The following VPS53 variants were observed in gnomAD, a reference collection of about 807,000 sequenced individuals.
VPS53 encodes the protein VPS53 subunit of GARP complex, also known as vacuolar protein sorting-associated protein 53 homolog.
In VPS53, 70 loss-of-function variants were observed where a neutral mutation model predicts 107.0. The observed-to-expected ratio is 0.65, with a 90% CI of 0.54 to 0.80. The LOEUF is 0.80. VPS53 is among the 30% of genes least tolerant of loss of function. The probability of loss-of-function intolerance (pLI) is 0.00; values close to 1 mark genes in which losing one functional copy is unlikely to be tolerated. For missense variants in VPS53, 917 were observed against 1,049.4 expected (o/e 0.87, Z 1.74); for synonymous variants, 409 against 393.3 (o/e 1.04, Z -0.47).
At chr17:553,492 G>A (rs755152078) in intron 15 of VPS53, 30 bp from the exon 16 acceptor site, 62 of 1,510,142 alleles carry the variant, frequency 4.1e-5, no homozygotes, top group Middle Eastern at 1.7e-4. Context: ...ATGGATGCAC[G>A]GTTAATGATT....
rs1026603134 is a variant in VPS53, at chr17:512,257, C to T, written c.*6871G>A. Reference sequence around the variant, plus strand: ...TGATCACGAACACACTTCACACTGCCTTATGGCAGAGCAAGTGCATATAGC... The same window carrying T: ...TGATCACGAACACACTTCACACTGCTTTATGGCAGAGCAAGTGCATATAGC... On this transcript the variant is annotated 3_prime_UTR_variant, in exon 22 of 22. Coordinates refer to ENST00000437048, the MANE Select transcript of VPS53 (RefSeq NM_001128159.3). The T allele has an allele frequency of 1.3e-5, 2 of 152,250 alleles. No individual in the cohort carries two copies. The highest frequency in any genetic ancestry group is 2.9e-5 in the Non-Finnish European group (2 of 68,052). 9.4% of individuals were successfully genotyped at this position (152,250 alleles called of 1,614,324 possible). A position where few individuals can be genotyped will look rare whatever the true frequency, so the allele number is the denominator to read the frequency against.
intron 19 of VPS53, among the ~76,000 whole-genome samples, chr17:526,669 C>A (rs1330664382): frequency 1.3e-5 from 2 of 152,204 alleles, no homozygotes; most frequent in East Asian, 1.9e-4. Context: ...TCATTTCTGC[C>A]TCAGCGATAA....
chr17:601,981 C>A, intron 11 of VPS53, 85 bp from the exon 12 acceptor site: 1 of 1,037,998 alleles, frequency 9.6e-7, no homozygotes, highest in Non-Finnish European at 1.4e-6. Context: ...TAGGTGTCTC[C>A]AACAAGGAAG....
At chr17:616,876 G>A (rs1367389061) in intron 11 of VPS53, among the ~76,000 whole-genome samples, 1 of 152,180 alleles carries the variant, frequency 6.6e-6, no homozygotes, top group Non-Finnish European at 1.5e-5. Flanking sequence ...TCCTTGGAGA[G>A]GTCCTGGGAC....
intron 13 of VPS53, among the ~76,000 whole-genome samples, chr17:585,504 G>C (rs1340010744): frequency 1.3e-5 from 2 of 151,980 alleles, no homozygotes; most frequent in Non-Finnish European, 2.9e-5. Flanking sequence ...TAAAAATAGA[G>C]GGTGGCATGT....
chr17:549,996 C>A (rs945738532), intron 17 of VPS53, among the ~76,000 whole-genome samples: 5 of 152,154 alleles, frequency 3.3e-5, no homozygotes, highest in African/African-American at 1.2e-4. Flanking sequence ...AAATTCAGAC[C>A]AAATGTCTGC....
intron 6 of VPS53, among the ~76,000 whole-genome samples, chr17:654,056 G>A (rs144813245): frequency 4.6e-5 from 7 of 152,220 alleles, no homozygotes; most frequent in African/African-American, 1.7e-4. Context: ...TTAGCTGGGC[G>A]TGGTGGTGGA....
intron 4 of VPS53, among the ~76,000 whole-genome samples, chr17:684,177 C>A (rs1046568844): frequency 6.6e-6 from 1 of 152,210 alleles, no homozygotes; most frequent in Non-Finnish European, 1.5e-5. Context: ...CCAACTATAT[C>A]ATGGGAACAA....
rs376609175 is a variant in VPS53 at position 610,024 on chromosome 17, C to T, written c.1117-8128G>A. On this transcript the variant is annotated intron_variant, in intron 11 of 21. Coordinates refer to ENST00000437048, the MANE Select transcript of VPS53 (RefSeq NM_001128159.3). ...GCGGGCGCCTGTAGTCCCAGCTACG[C>T]GGAGGCTGAGGCAGGAGAATGGCGT... is the stretch of plus-strand genomic sequence containing the variant. Among the ~76,000 whole-genome samples the T allele has an allele frequency of 6.3e-3, 958 of 151,654 alleles. 10 individuals carry two copies. The highest frequency in any genetic ancestry group is 0.022 in the African/African-American group (913 of 41,346).
intron 18 of VPS53, chr17:533,129 T>C: frequency 1.5e-6 from 1 of 669,782 alleles, no homozygotes; most frequent in East Asian, 2.9e-5. Flanking sequence ...CCGGATCCCA[T>C]CCTAGACTCC....
chr17:547,405 G>A (rs1911309743), intron 17 of VPS53, among the ~76,000 whole-genome samples: 1 of 152,184 alleles, frequency 6.6e-6, no homozygotes, highest in African/African-American at 2.4e-5. Context: ...ACTACGCTAA[G>A]TGAAGAAAGC....
In VPS53 at chr17:524,655, C is replaced by A. The variant is rs1044394954; in HGVS notation, c.2086-2917G>T. On this transcript the variant is annotated intron_variant, in intron 19 of 21. Transcript: ENST00000437048. This position sits in a 1 kb window ranked among gnomAD's most constrained non-coding sequence, Gnocchi z 4.5. ...CAACCTGGTTAGTAACTGGGAAATG[C>A]AAATTAAAACCACAGATGTACACCA... 1.3e-4 allele frequency among the ~76,000 whole-genome samples: 20 copies of A among 152,184 alleles called. No homozygotes were observed. Among genetic ancestry groups the A allele is most frequent in the African/African-American group, 4.8e-4 (20 of 41,436 alleles).
At chr17:569,916 A>C (rs1244568030) in intron 13 of VPS53, among the ~76,000 whole-genome samples, 3 of 151,740 alleles carry the variant, frequency 2.0e-5, no homozygotes, top group Admixed American at 6.6e-5. Flanking sequence ...AAAAAAAAAA[A>C]AGAAGAAAAA....
rs184699577 is a variant in VPS53, at chr17:669,761, G to A, written c.286-7866C>T. On this transcript the variant is annotated intron_variant, in intron 4 of 21. Coordinates refer to ENST00000437048, the MANE Select transcript of VPS53 (RefSeq NM_001128159.3). ...ACAAAAATTAGCTGGGTGTGGTGGC[G>A]CATGCCTGTAATCCCAGCTACTCGG... is the stretch of plus-strand genomic sequence containing the variant. Among the ~76,000 whole-genome samples the A allele has an allele frequency of 2.7e-3, 400 of 146,968 alleles. 3 individuals carry two copies. Among genetic ancestry groups the A allele is most frequent in the African/African-American group, 9.6e-3 (383 of 39,796 alleles).
At chr17:699,414 G>C in intron 2 of VPS53, 34 bp from the exon 3 acceptor site, 1 of 1,511,922 alleles carries the variant, frequency 6.6e-7, no homozygotes, top group Non-Finnish European at 8.8e-7. Flanking sequence ...CCAGCTGTTA[G>C]TCCACTTCCT....
rs1198248499 is a variant in VPS53, at chr17:609,753, C to T, written c.1117-7857G>A. Among the ~76,000 whole-genome samples, 4 of 152,160 alleles carry T rather than the reference C, an allele frequency of 2.6e-5. No individual in the cohort carries two copies. The East Asian group carries it at 7.7e-4, about 29-fold the overall frequency. On this transcript the variant is annotated intron_variant, in intron 11 of 21. Transcript: ENST00000437048. The stretch of plus-strand genomic sequence containing the variant: ...TCCACTAGTGTCGTAAGAAAATCAT[C>T]TCACTGCTTTGGGTAAGAGACAGCG...
chr17:616,640 C>G (rs1969147827), intron 11 of VPS53: 1 of 152,368 alleles, frequency 6.6e-6, no homozygotes, highest in Non-Finnish European at 1.5e-5. Context: ...ACCAGTACCC[C>G]CAGCCCAGTC....
intron 13 of VPS53, among the ~76,000 whole-genome samples, chr17:574,099 T>C (rs538058032): frequency 2.6e-5 from 4 of 152,322 alleles, no homozygotes; most frequent in South Asian, 4.1e-4. Flanking sequence ...TGTCTGACTA[T>C]CTCTCTTGAC....
At chr17:652,088 C>G (rs1246150153) in intron 7 of VPS53, among the ~76,000 whole-genome samples, 2 of 151,950 alleles carry the variant, frequency 1.3e-5, no homozygotes, top group Non-Finnish European at 2.9e-5. Flanking sequence ...CCTCCACTTC[C>G]CAGGTTCAAG....
Sources: gnomAD v4.1 joint callset for allele counts (sites outside exome capture counted in the v4.1 genomes callset) on GRCh38, gnomAD v4.1.1 for gene constraint, Gnocchi (gnomAD v3.1) non-coding constraint, MANE v1.5 for transcripts, NCBI Gene and HGNC (gene_info 2026-07-23, HGNC 2026-07-21) for gene names.